The following ABCF1 variants were observed in gnomAD, a reference collection of about 807,000 sequenced individuals.
ABCF1 encodes ATP-binding cassette sub-family F member 1.
In ABCF1, 73 loss-of-function variants were observed where a neutral mutation model predicts 126.3. The observed-to-expected ratio is 0.58, with a 90% CI of 0.48 to 0.70. The LOEUF (loss-of-function observed/expected upper bound fraction) is 0.70, where lower values mean the gene tolerates loss of function less well. Among genes scored for constraint, ABCF1 ranks in the 30% least tolerant of loss-of-function variants. ABCF1 has a pLI of 0.00. For missense variants in ABCF1, 786 were observed against 1,057.5 expected, an observed-to-expected ratio of 0.74 and a Z score of 3.56; for synonymous variants, 345 against 396.4, an observed-to-expected ratio of 0.87 and a Z score of 1.54.
rs1263197228 is a variant in ABCF1, at chr6:30,586,591, C to T, written c.1960+43C>T. 6 of 1,613,010 alleles carry T rather than the reference C, an allele frequency of 3.7e-6. No individual in the cohort carries two copies. The highest frequency in any genetic ancestry group is 1.7e-6 in the Non-Finnish European group (2 of 1,179,826). On this transcript the variant is annotated intron_variant, in intron 19 of 24. Coordinates refer to ENST00000326195, the MANE Select transcript of ABCF1 (RefSeq NM_001025091.2). This position sits in a 1 kb window ranked among gnomAD's most constrained non-coding sequence, Gnocchi z 4.9. ...CCTCAGGGATGTGTAGCAGGAGCCA[C>T]AGGGAGAGTCTCTGGGGACCTCTTT...
chr6:30,589,445 T>C, intron 20 of ABCF1: 1 of 572,562 alleles, frequency 1.7e-6, no homozygotes, highest in Non-Finnish European at 3.1e-6. Context: ...CTACTAAAAA[T>C]ACAAAAAATT....
intron 9 of ABCF1, 143 bp from the exon 10 acceptor site, chr6:30,582,923 G>A (rs1801900590): frequency 3.6e-6 from 4 of 1,125,304 alleles, no homozygotes; most frequent in Non-Finnish European, 3.8e-6. Context: ...AAACTCCTGA[G>A]CTCAAGAGAT....
rs1802167237 is a variant in ABCF1 at position 30,586,885 on chromosome 6, AG to A, written c.2031+180del. Among the ~76,000 whole-genome samples, 1 of 152,182 alleles carries A rather than the reference AG, an allele frequency of 6.6e-6. No individual in the cohort carries two copies. The highest frequency in any genetic ancestry group is 2.4e-5 in the African/African-American group (1 of 41,448). ...AGGAGGAAAGAGCTTAGATCAGTTC[AG>A]GGGGGAGAGCTAAGAGAATTAAGAT... On this transcript the variant is annotated intron_variant, in intron 20 of 24. Transcript: ENST00000326195. The surrounding 1 kb of genome is among the most constrained non-coding windows in gnomAD (Gnocchi z 4.9).
rs769057931 is a variant in ABCF1 at position 30,590,014 on chromosome 6, T to C, written c.2233+40T>C. The C allele has an allele frequency of 3.1e-6, 5 of 1,608,180 alleles. No homozygotes were observed. In the African/African-American group the frequency reaches 6.7e-5, roughly 21 times the overall value. ...GCCAGGGAGGGTGCCCTTCACCTTA[T>C]CATTCATGTCTACAAACTGTACCTA... is the stretch of plus-strand genomic sequence containing the variant. On this transcript the variant is annotated intron_variant, in intron 22 of 24. Coordinates refer to ENST00000326195, the MANE Select transcript of ABCF1 (RefSeq NM_001025091.2).
Position 30,578,609 on chromosome 6 carries a change from C to T in ABCF1, c.489+32C>T, listed in dbSNP as rs375770926. On this transcript the variant is annotated intron_variant, in intron 6 of 24. Transcript: ENST00000326195. ...GTGGTGGCTCGATCAGTCACTCTCA[C>T]TCCATTTAGCACCTTCTGGCCATGG... is the stretch of plus-strand genomic sequence containing the variant. 278 of 1,574,750 alleles carry T rather than the reference C, an allele frequency of 1.8e-4. 1 individual carries two copies. Among genetic ancestry groups the T allele is most frequent in the Middle Eastern group, 3.3e-4 (2 of 6,010 alleles).
intron 1 of ABCF1, among the ~76,000 whole-genome samples, chr6:30,572,675 AT>A (rs1224300670): frequency 6.6e-6 from 1 of 152,006 alleles, no homozygotes; most frequent in Non-Finnish European, 1.5e-5. Flanking sequence ...TATTTTTAAA[AT>A]TTTTTGTAGA....
intron 16 of ABCF1, 67 bp from the exon 17 acceptor site, chr6:30,585,812 G>A (rs1210179414): frequency 1.9e-6 from 3 of 1,552,380 alleles, no homozygotes; most frequent in Non-Finnish European, 2.6e-6. Context: ...ATCACCACCA[G>A]TCCCTGGTTG....
At chr6:30,573,753 T>C (rs1284902369) in intron 1 of ABCF1, among the ~76,000 whole-genome samples, 1 of 152,188 alleles carries the variant, frequency 6.6e-6, no homozygotes, top group Non-Finnish European at 1.5e-5. Context: ...AAAAATACTT[T>C]GTGGTTTGAG....
At position 30,586,588 on chromosome 6, in the gene ABCF1, C is replaced by T; in HGVS notation, c.1960+40C>T. The T allele has an allele frequency of 6.2e-7, 1 of 1,613,008 alleles. No homozygotes were observed. Among genetic ancestry groups the T allele is most frequent in the South Asian group, 1.1e-5 (1 of 91,082 alleles). ...TTGCCTCAGGGATGTGTAGCAGGAG[C>T]CACAGGGAGAGTCTCTGGGGACCTC... On this transcript the variant is annotated intron_variant, in intron 19 of 24. Transcript: ENST00000326195. This position sits in a 1 kb window ranked among gnomAD's most constrained non-coding sequence, Gnocchi z 4.9.
At position 30,585,960 on chromosome 6, in the gene ABCF1, T is replaced by C. The variant is rs1802097024; in HGVS notation, c.1682T>C (p.Leu561Pro). The part of the protein sequence containing the change: ...YEKQEKKLKE[L>P]KAGGKSTKQA... ...AAGCAAGAGAAAAAGCTGAAGGAGCTGAAGGCAGGCGGGAAGTCCACCAAG... is the reference window on the plus strand; with the variant it reads ...AAGCAAGAGAAAAAGCTGAAGGAGCCGAAGGCAGGCGGGAAGTCCACCAAG... The change falls in exon 17 of 25, where the codon CTG becomes CCG. Residue 561 changes from leucine to proline, a missense_variant. Around this residue, in one of 4 missense-constraint regions of ABCF1, gnomAD observed 288 missense variants for 423.5 expected, o/e 0.68. Transcript: ENST00000326195. The C allele has an allele frequency of 6.2e-7, 1 of 1,610,714 alleles. No individual in the cohort carries two copies. The highest frequency in any genetic ancestry group is 1.3e-5 in the African/African-American group (1 of 74,844).
At position 30,590,286 on chromosome 6, in the gene ABCF1, A is replaced by G. The variant is rs749948922; in HGVS notation, c.2299-20A>G. ...AAGACGGGAGTTGCAGTGCTCAGTC[A>G]TGGAATTCCTCCTATGTAGGACGAG... On this transcript the variant is annotated intron_variant, in intron 23 of 24. Coordinates refer to ENST00000326195, the MANE Select transcript of ABCF1 (RefSeq NM_001025091.2). The G allele has an allele frequency of 8.7e-6, 14 of 1,612,076 alleles. No homozygotes were observed. The South Asian group carries it at 1.4e-4, about 16-fold the overall frequency.
chr6:30,579,069 A>G (rs940367329), intron 6 of ABCF1, among the ~76,000 whole-genome samples: 15 of 152,006 alleles, frequency 9.9e-5, no homozygotes, highest in Non-Finnish European at 2.2e-4. Context: ...CTGTTGCTTT[A>G]AGCACAGAAC....
intron 8 of ABCF1, among the ~76,000 whole-genome samples, chr6:30,581,529 G>A (rs565402299): frequency 6.9e-5 from 10 of 144,946 alleles, no homozygotes; most frequent in African/African-American, 1.5e-4. Flanking sequence ...TCAGTCTCCC[G>A]AGTAGCTGGG....
chr6:30,576,131 C>T (rs933480857), intron 1 of ABCF1, among the ~76,000 whole-genome samples: 1 of 148,278 alleles, frequency 6.7e-6, no homozygotes, highest in Non-Finnish European at 1.5e-5. Flanking sequence ...GTGTGTGTAT[C>T]TACACATATC....
At position 30,585,134 on chromosome 6, in the gene ABCF1, A is replaced by G. The variant is rs1802040660; in HGVS notation, c.1392-126A>G. 10 of 863,928 alleles carry G rather than the reference A, an allele frequency of 1.2e-5. No individual in the cohort carries two copies. The Admixed American group carries it at 1.9e-4, about 17-fold the overall frequency. 53.5% of individuals were successfully genotyped at this position (863,928 alleles called of 1,614,324 possible). A position where few individuals can be genotyped will look rare whatever the true frequency, so the allele number is the denominator to read the frequency against. The stretch of plus-strand genomic sequence containing the variant: ...AAATTAAACCGTATCCTGCCCGAGA[A>G]CTTCTCTGAGGAGAGCTTGGGAAGG... On this transcript the variant is annotated intron_variant, in intron 14 of 24. Transcript: ENST00000326195.
In ABCF1 at chr6:30,586,399, C is replaced by T; in HGVS notation, c.1886-75C>T. The T allele has an allele frequency of 1.2e-6, 2 of 1,607,680 alleles. No individual in the cohort carries two copies. The highest frequency in any genetic ancestry group is 2.2e-5 in the East Asian group (1 of 44,772). On this transcript the variant is annotated intron_variant, in intron 18 of 24. Coordinates refer to ENST00000326195, the MANE Select transcript of ABCF1 (RefSeq NM_001025091.2). The surrounding 1 kb of genome is among the most constrained non-coding windows in gnomAD (Gnocchi z 4.9). ...CACCAAGGCTGAGATTGCTCCTGTT[C>T]TCCAAGGCCAGCACATGAGAGGGAC...
Position 30,590,354 on chromosome 6 carries a change from G to C in ABCF1, c.2347G>C (p.Glu783Gln). 1 of 1,611,208 alleles carries C rather than the reference G, an allele frequency of 6.2e-7. No individual in the cohort carries two copies. Among genetic ancestry groups the C allele is most frequent in the African/African-American group, 1.3e-5 (1 of 75,012 alleles). ...CATAGAGTCTATTGATGCTCTAGGG[G>C]AGGCCATCAATGAATACAAGGGTGG... Reference protein sequence around the residue: ...LDIESIDALGEAINEYKGAVI... With the variant: ...LDIESIDALGQAINEYKGAVI... Residue 783 changes from glutamate (E) to glutamine (Q), a missense_variant, in exon 24 of 25, where the codon GAG becomes CAG. Physicochemically the swap from Glu to Gln is conservative, Grantham distance 29 (BLOSUM62 2). Coordinates refer to ENST00000326195, the MANE Select transcript of ABCF1 (RefSeq NM_001025091.2).
chr6:30,573,844 A>G (rs1415531972), intron 1 of ABCF1, among the ~76,000 whole-genome samples: 1 of 152,196 alleles, frequency 6.6e-6, no homozygotes, highest in Non-Finnish European at 1.5e-5. Context: ...TTTCAAAGGT[A>G]TGGGAGAAGA....
Position 30,590,768 on chromosome 6 carries a change from C to A in ABCF1, c.*67C>A. The A allele has an allele frequency of 6.6e-7, 1 of 1,516,320 alleles. No individual in the cohort carries two copies. The highest frequency in any genetic ancestry group is 8.9e-7 in the Non-Finnish European group (1 of 1,129,082). The allele number at this position is 1,516,320 out of a possible 1,614,324, so 93.9% of individuals were successfully genotyped here. A position where few individuals can be genotyped will look rare whatever the true frequency, so the allele number is the denominator to read the frequency against. On this transcript the variant is annotated 3_prime_UTR_variant, in exon 25 of 25. Coordinates refer to ENST00000326195, the MANE Select transcript of ABCF1 (RefSeq NM_001025091.2). ...GCCTAGAAGTCCTCTGTGGTCTCCC[C>A]TCCTCTGAAGACTGCCTCTGGCCTG...
Sources: allele counts gnomAD v4.1 joint callset (sites outside exome capture counted in the v4.1 genomes callset), GRCh38; gene constraint gnomAD v4.1.1; regional missense constraint gnomAD v4.1.1; non-coding constraint Gnocchi (gnomAD v3.1); transcripts MANE v1.5; gene names NCBI Gene and HGNC (gene_info 2026-07-23, HGNC 2026-07-21).